CMTM8: variants seen among roughly 807,000 people sequenced by gnomAD.
The protein encoded by CMTM8 is CKLF like MARVEL transmembrane domain containing 8.
A neutral mutation model predicts 18.6 loss-of-function variants in CMTM8; 12 were observed. The ratio of observed to expected loss-of-function variants is 0.65; its 90% CI spans 0.41 to 1.05. The LOEUF is 1.05. CMTM8 is among the 50% of genes least tolerant of loss of function. The pLI is 0.00. For missense variants in CMTM8, 217 were observed against 227.2 expected (o/e 0.95, Z 0.29); for synonymous variants, 87 against 90.6 (o/e 0.96, Z 0.23).
At chr3:32,302,687 A>C (rs570749367) in intron 1 of CMTM8, among the ~76,000 whole-genome samples, 4 of 152,324 alleles carry the variant, frequency 2.6e-5, no homozygotes, top group African/African-American at 9.6e-5. Context: ...AAATTTCACA[A>C]GGCATGGGTT....
intron 1 of CMTM8, among the ~76,000 whole-genome samples, chr3:32,343,436 C>A (rs145837880): frequency 6.6e-6 from 1 of 152,306 alleles, no homozygotes; most frequent in East Asian, 1.9e-4. Flanking sequence ...AGACCCATGT[C>A]ACCAGCTGGG....
chr3:32,367,347 G>A (rs960972542), intron 2 of CMTM8, among the ~76,000 whole-genome samples: 1 of 152,200 alleles, frequency 6.6e-6, no homozygotes, highest in East Asian at 1.9e-4. Flanking sequence ...GGCTGTAACC[G>A]CCTTTTTAAG....
At chr3:32,324,558 A>G (rs1411811865) in intron 1 of CMTM8, among the ~76,000 whole-genome samples, 2 of 152,170 alleles carry the variant, frequency 1.3e-5, no homozygotes, top group Non-Finnish European at 2.9e-5. Flanking sequence ...ATGCTTCTCT[A>G]AGAGGGTGAA....
chr3:32,353,483 A>T (rs148595021), intron 1 of CMTM8, among the ~76,000 whole-genome samples: 3 of 152,248 alleles, frequency 2.0e-5, no homozygotes, highest in Admixed American at 6.5e-5. Context: ...TCAATAGGGG[A>T]TTGGTTACAT....
chr3:32,278,282 A>T (rs1055402579), intron 1 of CMTM8, among the ~76,000 whole-genome samples: 1 of 152,222 alleles, frequency 6.6e-6, no homozygotes, highest in African/African-American at 2.4e-5. Context: ...GTCCTCATCT[A>T]CGTGGCCATG....
At chr3:32,308,971 C>T (rs1028137387) in intron 1 of CMTM8, among the ~76,000 whole-genome samples, 1 of 152,208 alleles carries the variant, frequency 6.6e-6, no homozygotes, top group Non-Finnish European at 1.5e-5. Flanking sequence ...GGATTGGCCC[C>T]TGTCTTCAGA....
At chr3:32,275,240 C>A (rs1012388700) in intron 1 of CMTM8, among the ~76,000 whole-genome samples, 10 of 151,734 alleles carry the variant, frequency 6.6e-5, no homozygotes, top group Non-Finnish European at 1.3e-4. Flanking sequence ...GTCTCGAACT[C>A]CTGAGCTCAA....
intron 1 of CMTM8, among the ~76,000 whole-genome samples, chr3:32,353,204 G>A (rs958547802): frequency 6.6e-6 from 1 of 152,158 alleles, no homozygotes; most frequent in Non-Finnish European, 1.5e-5. Flanking sequence ...ATGTTAGCCA[G>A]GCTTGTCTCA....
intron 1 of CMTM8, chr3:32,259,189 G>A (rs963006263): frequency 2.4e-5 from 12 of 490,454 alleles, no homozygotes; most frequent in Middle Eastern, 6.3e-4. Flanking sequence ...CATCCAGAGC[G>A]GGAAGGAGAC....
chr3:32,259,098 C>T (rs12497140), intron 1 of CMTM8: 284,390 of 390,952 alleles, frequency 0.73, 106,624 homozygotes, highest in Middle Eastern at 0.84. Context: ...TCACCGTGTC[C>T]TGCTCCACCA....
At chr3:32,354,638 G>A (rs1183873563) in intron 1 of CMTM8, among the ~76,000 whole-genome samples, 1 of 152,152 alleles carries the variant, frequency 6.6e-6, no homozygotes, top group Non-Finnish European at 1.5e-5. Flanking sequence ...AAGCCCTTGT[G>A]ATCACACAGA....
chr3:32,277,672 C>T (rs1430136314), intron 1 of CMTM8, among the ~76,000 whole-genome samples: 1 of 152,148 alleles, frequency 6.6e-6, no homozygotes, highest in African/African-American at 2.4e-5. Context: ...TTTGGAGAGG[C>T]CTGTGGACCA....
chr3:32,340,892 G>C (rs78049538), intron 1 of CMTM8, among the ~76,000 whole-genome samples: 2,954 of 152,326 alleles, frequency 0.019, 85 homozygotes, highest in African/African-American at 0.066. Flanking sequence ...TGGGCACTCA[G>C]TATTGTGCCT....
rs1167487550 is a variant in CMTM8, at chr3:32,259,610, C to T, written c.147+20491C>T. Reference sequence around the variant, plus strand: ...CCATGAAGAGGAAGTAAAAGGCCTACAAGCCCAGATTGCCAGCTCTGGGTT... The same window carrying T: ...CCATGAAGAGGAAGTAAAAGGCCTATAAGCCCAGATTGCCAGCTCTGGGTT... On this transcript the variant is annotated intron_variant, in intron 1 of 3. Coordinates refer to ENST00000307526, the MANE Select transcript of CMTM8 (RefSeq NM_178868.5). The T allele has an allele frequency of 7.2e-6, 9 of 1,252,302 alleles. No homozygotes were observed. The African/African-American group carries it at 1.3e-4, about 18-fold the overall frequency. 77.6% of individuals were successfully genotyped at this position (1,252,302 alleles called of 1,614,324 possible).
chr3:32,276,716 G>T (rs1186255805), intron 1 of CMTM8, among the ~76,000 whole-genome samples: 4 of 152,132 alleles, frequency 2.6e-5, no homozygotes, highest in Non-Finnish European at 5.9e-5. Flanking sequence ...AGCTTTGGAT[G>T]TTGCACCTTC....
chr3:32,368,243 AG>A (rs1470721496), intron 3 of CMTM8, among the ~76,000 whole-genome samples: 1 of 152,226 alleles, frequency 6.6e-6, no homozygotes, highest in Non-Finnish European at 1.5e-5. Context: ...AAGGGAGAAA[AG>A]CTGTTTAAAG....
intron 1 of CMTM8, among the ~76,000 whole-genome samples, chr3:32,338,480 A>G (rs934513812): frequency 1.3e-5 from 2 of 152,180 alleles, no homozygotes; most frequent in Non-Finnish European, 2.9e-5. Flanking sequence ...CATGAGACTG[A>G]TATCACTGCT....
chr3:32,276,093 A>G (rs916503323), intron 1 of CMTM8, among the ~76,000 whole-genome samples: 1 of 152,152 alleles, frequency 6.6e-6, no homozygotes, highest in Non-Finnish European at 1.5e-5. Flanking sequence ...GATGTTGACC[A>G]ATGACGGGTA....
At chr3:32,356,579 T>C (rs1055819283) in intron 1 of CMTM8, among the ~76,000 whole-genome samples, 1 of 152,248 alleles carries the variant, frequency 6.6e-6, no homozygotes, top group Non-Finnish European at 1.5e-5. Flanking sequence ...GGTAAAATAC[T>C]GAGTGTCCAC....
Sources: gnomAD v4.1 joint callset for allele counts (sites outside exome capture counted in the v4.1 genomes callset) on GRCh38, gnomAD v4.1.1 for gene constraint, MANE v1.5 for transcripts, NCBI Gene and HGNC (gene_info 2026-07-23, HGNC 2026-07-21) for gene names.